Variants in PALS2 observed in about 807,000 individuals in gnomAD.
The protein encoded by PALS2 is protein PALS2.
A neutral mutation model predicts 61.6 loss-of-function variants in PALS2; 27 were observed. The ratio of observed to expected loss-of-function variants is 0.44; its 90% CI spans 0.32 to 0.60. PALS2 has a LOEUF of 0.60. PALS2 is among the 20% of genes least tolerant of loss of function. The probability of loss-of-function intolerance (pLI) is 0.05; values close to 1 mark genes in which losing one functional copy is unlikely to be tolerated. For missense variants in PALS2, 554 were observed against 639.4 expected (o/e 0.87, Z 1.44); for synonymous variants, 236 against 218.6 (o/e 1.08, Z -0.70).
At chr7:24,643,881 G>A (rs79226939) in intron 3 of PALS2, among the ~76,000 whole-genome samples, 10,702 of 152,136 alleles carry the variant, frequency 0.07, 476 homozygotes, top group African/African-American at 0.12. Flanking sequence ...GAATTAAACT[G>A]CATTAGAAGA....
At chr7:24,631,220 T>C (rs1375636424) in intron 2 of PALS2, among the ~76,000 whole-genome samples, 2 of 152,164 alleles carry the variant, frequency 1.3e-5, no homozygotes, top group East Asian at 3.9e-4. Flanking sequence ...TGGGGAGAAG[T>C]TGAGTCCAGC....
At chr7:24,581,680 A>G (rs1310570057) in intron 1 of PALS2, among the ~76,000 whole-genome samples, 1 of 152,182 alleles carries the variant, frequency 6.6e-6, no homozygotes, top group Non-Finnish European at 1.5e-5. Flanking sequence ...CAAACAGTGC[A>G]CAGGGCAGCC....
At chr7:24,658,166 A>G (rs1302825952) in intron 5 of PALS2, among the ~76,000 whole-genome samples, 1 of 151,900 alleles carries the variant, frequency 6.6e-6, no homozygotes, top group Non-Finnish European at 1.5e-5. Context: ...TTTGTTTTCA[A>G]GTTTACTAAT....
Position 24,676,475 on chromosome 7 carries a change from C to T in PALS2, c.1115-2656C>T, listed in dbSNP as rs543828415. On this transcript the variant is annotated intron_variant, in intron 9 of 11. Transcript: ENST00000222644. ...CATGCCTGTGTCCTGAATGGTAACGCCTAGGTTTTCTTCTAGGGTTTTTAT... is the reference window on the plus strand; with the variant it reads ...CATGCCTGTGTCCTGAATGGTAACGTCTAGGTTTTCTTCTAGGGTTTTTAT... 3.9e-5 allele frequency among the ~76,000 whole-genome samples: 6 copies of T among 152,152 alleles called. No individual in the cohort carries two copies. In the South Asian group the frequency reaches 1.2e-3, roughly 32 times the overall value.
intron 9 of PALS2, among the ~76,000 whole-genome samples, chr7:24,676,299 G>T (rs1480700504): frequency 6.6e-6 from 1 of 151,228 alleles, no homozygotes; most frequent in African/African-American, 2.4e-5. Flanking sequence ...GAGTAGGTTG[G>T]GAAAATTTTC....
intron 1 of PALS2, among the ~76,000 whole-genome samples, chr7:24,617,002 TATG>T (rs1784316179): frequency 6.6e-6 from 1 of 152,216 alleles, no homozygotes; most frequent in Non-Finnish European, 1.5e-5. Flanking sequence ...AAATATTTCC[TATG>T]ATATTTCCCT....
chr7:24,614,157 A>G lies in PALS2; in HGVS notation c.-2-9509A>G, dbSNP rs550701262. Among the ~76,000 whole-genome samples, 9 of 151,876 alleles carry G rather than the reference A, an allele frequency of 5.9e-5. No individual in the cohort carries two copies. The South Asian group carries it at 1.9e-3, about 32-fold the overall frequency. On this transcript the variant is annotated intron_variant, in intron 1 of 11. Coordinates refer to ENST00000222644, the MANE Select transcript of PALS2 (RefSeq NM_001303037.2). ...TAGTTCTATTTGTAGATTTTAAGGA[A>G]TCTCCCTACTGTCCTCCATTGTGGC... is the stretch of plus-strand genomic sequence containing the variant.
At chr7:24,659,966 A>G (rs1411803901) in intron 5 of PALS2, among the ~76,000 whole-genome samples, 1 of 152,152 alleles carries the variant, frequency 6.6e-6, no homozygotes, top group African/African-American at 2.4e-5. Flanking sequence ...AGAGACCATC[A>G]GGCTTCACCT....
intron 2 of PALS2, among the ~76,000 whole-genome samples, chr7:24,636,474 G>A (rs750128569): frequency 1.3e-4 from 20 of 152,094 alleles, no homozygotes; most frequent in Non-Finnish European, 1.0e-4. Flanking sequence ...CACAGTAGGT[G>A]ACTATTGCAA....
Position 24,626,032 on chromosome 7 carries a change from A to G in PALS2, c.117+2248A>G, listed in dbSNP as rs552689338. 1.6e-3 allele frequency among the ~76,000 whole-genome samples: 247 copies of G among 152,330 alleles called. 2 individuals carry two copies. The highest frequency in any genetic ancestry group is 1.9e-3 in the South Asian group (9 of 4,828). ...CTGGCCACTAATCATGAGAAAAACAACAGAGGCAGTCCCATAAATGGTTCT... is the reference window on the plus strand; with the variant it reads ...CTGGCCACTAATCATGAGAAAAACAGCAGAGGCAGTCCCATAAATGGTTCT... On this transcript the variant is annotated intron_variant, in intron 2 of 11. Coordinates refer to ENST00000222644, the MANE Select transcript of PALS2 (RefSeq NM_001303037.2).
intron 1 of PALS2, among the ~76,000 whole-genome samples, chr7:24,603,560 T>A (rs1254424914): frequency 6.6e-6 from 1 of 152,182 alleles, no homozygotes; most frequent in African/African-American, 2.4e-5. Flanking sequence ...CAACTTTGAA[T>A]GCATTTCCCA....
At chr7:24,650,753 T>A (rs754082037) in intron 5 of PALS2, 41 bp downstream of exon 5, 25 of 1,302,900 alleles carry the variant, frequency 1.9e-5, no homozygotes, top group Non-Finnish European at 2.4e-5. Flanking sequence ...AATACTTTCA[T>A]GTTTTTAATC....
chr7:24,656,115 T>G (rs1055279916), intron 5 of PALS2, among the ~76,000 whole-genome samples: 1 of 152,210 alleles, frequency 6.6e-6, no homozygotes, highest in Non-Finnish European at 1.5e-5. Context: ...TTCACCATCT[T>G]GTCACTCACT....
intron 1 of PALS2, among the ~76,000 whole-genome samples, chr7:24,589,814 C>A (rs1783213806): frequency 6.6e-6 from 1 of 152,150 alleles, no homozygotes; most frequent in Non-Finnish European, 1.5e-5. Context: ...ACTCTTACTT[C>A]ATAGAGTTAA....
intron 9 of PALS2, among the ~76,000 whole-genome samples, chr7:24,669,350 A>G (rs1787185936): frequency 6.6e-6 from 1 of 152,250 alleles, no homozygotes; most frequent in Non-Finnish European, 1.5e-5. Flanking sequence ...AGATCAAGGA[A>G]TTGGATGATG....
At chr7:24,680,832 G>C (rs761818320) in intron 11 of PALS2, among the ~76,000 whole-genome samples, 3 of 152,164 alleles carry the variant, frequency 2.0e-5, no homozygotes, top group Non-Finnish European at 4.4e-5. Context: ...CTGACCTCAG[G>C]CAATCTGCCC....
In PALS2 at chr7:24,691,709, G is replaced by T. The variant is rs1403692257; in HGVS notation, c.*4095G>T. 1.3e-5 allele frequency: 2 copies of T among 151,710 alleles called. No homozygotes were observed. Among genetic ancestry groups the T allele is most frequent in the African/African-American group, 2.4e-5 (1 of 41,350 alleles). The allele number at this position is 151,710 out of a possible 1,614,324, so 9.4% of individuals were successfully genotyped here. A position where few individuals can be genotyped will look rare whatever the true frequency, so the allele number is the denominator to read the frequency against. ...CTTAGGGAAAAAGGGCAGGGTTCTG[G>T]ATGGAAACCCCTTTGGAAATTCTTA... On this transcript the variant is annotated 3_prime_UTR_variant, in exon 12 of 12. Coordinates refer to ENST00000222644, the MANE Select transcript of PALS2 (RefSeq NM_001303037.2).
chr7:24,641,209 C>G (rs1204270311), intron 2 of PALS2, among the ~76,000 whole-genome samples: 1 of 151,766 alleles, frequency 6.6e-6, no homozygotes, highest in Admixed American at 6.6e-5. Flanking sequence ...TTTTTTTCCA[C>G]TGATTTTCAA....
chr7:24,656,843 T>C (rs1157478315), intron 5 of PALS2, among the ~76,000 whole-genome samples: 1 of 152,210 alleles, frequency 6.6e-6, no homozygotes, highest in Admixed American at 6.5e-5. Context: ...CCCAGCTTCT[T>C]TGTGTCCACT....
Sources: gnomAD v4.1 joint callset for allele counts (sites outside exome capture counted in the v4.1 genomes callset) on GRCh38, gnomAD v4.1.1 for gene constraint, MANE v1.5 for transcripts, NCBI Gene and HGNC (gene_info 2026-07-23, HGNC 2026-07-21) for gene names.